Variants in DNAAF19 observed in about 807,000 individuals in gnomAD.
DNAAF19 encodes the protein coiled-coil domain containing 103.
chr17:44,903,583 G>T, the DNAAF19 span: 1 of 1,403,346 alleles, frequency 7.1e-7, no homozygotes, highest in South Asian at 1.7e-5. Context: ...TAAAGGCCAG[G>T]TTCTAGAATG....
chr17:44,903,328 G>A, the DNAAF19 span: 4 of 1,246,896 alleles, frequency 3.2e-6, no homozygotes. Context: ...TCTTGTGCAG[G>A]TTGGGCCTGG....
At chr17:44,903,117 G>T in the DNAAF19 span, 1 of 1,298,100 alleles carries the variant, frequency 7.7e-7, no homozygotes, top group Non-Finnish European at 9.7e-7. Flanking sequence ...ATGAGTGTGT[G>T]CCCAACCAAA....
At chr17:44,900,026 A>G in the DNAAF19 span, among the ~76,000 whole-genome samples, 1 of 151,900 alleles carries the variant, frequency 6.6e-6, no homozygotes, top group Non-Finnish European at 1.5e-5. Flanking sequence ...GCTGTTGGTG[A>G]TGACCCCGCC....
the DNAAF19 span, chr17:44,904,947 A>C: frequency 6.4e-7 from 1 of 1,550,668 alleles, no homozygotes; most frequent in Non-Finnish European, 8.7e-7. Context: ...TCAGATCCTG[A>C]GACTCGCTCG....
chr17:44,904,007 G>T, the DNAAF19 span: 7 of 1,550,638 alleles, frequency 4.5e-6, no homozygotes, highest in Non-Finnish European at 5.2e-6. Flanking sequence ...ACCCGAAGAG[G>T]TGCCAGCTGT....
the DNAAF19 span, chr17:44,901,256 T>G: frequency 3.9e-6 from 5 of 1,278,078 alleles, no homozygotes; most frequent in Non-Finnish European, 5.4e-6. Flanking sequence ...CTGTTTGATC[T>G]TATGCAATTT....
chr17:44,905,176 T>C, the DNAAF19 span: 1 of 864,350 alleles, frequency 1.2e-6, no homozygotes, highest in East Asian at 2.7e-5. Flanking sequence ...GGTAGGAACA[T>C]GTGGACAAAT....
At chr17:44,903,704 G>C in the DNAAF19 span, 1 of 1,440,014 alleles carries the variant, frequency 6.9e-7, no homozygotes, top group Non-Finnish European at 9.1e-7. Context: ...GATTGTTGCT[G>C]CTTTTCCTGG....
At chr17:44,903,507 C>T in the DNAAF19 span, 9 of 1,282,238 alleles carry the variant, frequency 7.0e-6, no homozygotes, top group Middle Eastern at 5.9e-4. Context: ...CACCTCGGCC[C>T]GCCCTTCTCA....
the DNAAF19 span, chr17:44,902,494 C>T: frequency 1.2e-6 from 2 of 1,614,110 alleles, no homozygotes; most frequent in Non-Finnish European, 1.7e-6. Context: ...CTGCCTCTTC[C>T]AGACAGATGT....
the DNAAF19 span, chr17:44,902,707 G>A: frequency 1.5e-5 from 25 of 1,613,686 alleles, no homozygotes; most frequent in Admixed American, 1.7e-4. Flanking sequence ...CCCCAGATCC[G>A]TGAAGGAGGG....
chr17:44,902,877 C>CT, the DNAAF19 span: 1 of 1,455,650 alleles, frequency 6.9e-7, no homozygotes. Flanking sequence ...TGGTTGTTGT[C>CT]TTGGGGGTTC....
chr17:44,903,255 T>G, the DNAAF19 span: 2 of 1,251,582 alleles, frequency 1.6e-6, no homozygotes, highest in Non-Finnish European at 2.0e-6. Context: ...AATGGACATG[T>G]AATCAACAAA....
chr17:44,905,279 G>A, the DNAAF19 span: 1 of 583,740 alleles, frequency 1.7e-6, no homozygotes, highest in South Asian at 2.2e-5. Flanking sequence ...TGGGGACTGA[G>A]CTCAGGATGG....
the DNAAF19 span, chr17:44,901,787 A>G: frequency 1.9e-6 from 2 of 1,073,934 alleles, no homozygotes; most frequent in Non-Finnish European, 2.6e-6. Flanking sequence ...TGTTAAACCA[A>G]CAGAGATAGG....
chr17:44,901,770 T>C, the DNAAF19 span: 3 of 1,198,866 alleles, frequency 2.5e-6, no homozygotes, highest in African/African-American at 4.6e-5. Context: ...CTCTTCTTTA[T>C]TTGTCATGTT....
chr17:44,903,053 T>C, the DNAAF19 span: 2 of 1,387,824 alleles, frequency 1.4e-6, no homozygotes, highest in Non-Finnish European at 1.9e-6. Context: ...TTGAGAGCGG[T>C]TTTGTTTCCC....
At chr17:44,900,115 C>T in the DNAAF19 span, among the ~76,000 whole-genome samples, 3 of 151,984 alleles carry the variant, frequency 2.0e-5, no homozygotes, top group African/African-American at 7.2e-5. Flanking sequence ...CGACTAGAAC[C>T]CACGTAGAGA....
At chr17:44,904,143 T>A in the DNAAF19 span, 1 of 1,550,204 alleles carries the variant, frequency 6.5e-7, no homozygotes, top group Non-Finnish European at 8.7e-7. Flanking sequence ...CGCTTCAGCA[T>A]CCGCATGTTC....
Sources: allele counts gnomAD v4.1 joint callset (sites outside exome capture counted in the v4.1 genomes callset), GRCh38; gene constraint gnomAD v4.1.1; transcripts MANE v1.5; gene names NCBI Gene and HGNC (gene_info 2026-07-23, HGNC 2026-07-21).